The following PHKG2 variants were observed in gnomAD, a reference collection of about 807,000 sequenced individuals.
PHKG2 encodes phosphorylase b kinase gamma catalytic chain, liver/testis isoform.
PHKG2 carries 28 observed loss-of-function variants against 44.5 expected under a neutral mutation model. The observed-to-expected ratio is 0.63, with a 90% confidence interval of 0.47 to 0.86. The LOEUF (loss-of-function observed/expected upper bound fraction) is 0.86. PHKG2 is among the 40% of genes least tolerant of loss of function. The pLI, the probability that PHKG2 is intolerant of heterozygous loss-of-function variation, is 0.00. For synonymous variants in PHKG2, 220 were observed against 211.2 expected, an observed-to-expected ratio of 1.04 and a Z score of -0.36; for missense variants, 498 against 547.5, an observed-to-expected ratio of 0.91 and a Z score of 0.90.
chr16:30,754,170 CTTTTTTT>C (rs200524054), intron 6 of PHKG2, among the ~76,000 whole-genome samples: 57 of 141,264 alleles, frequency 4.0e-4, no homozygotes, highest in East Asian at 2.1e-3. Flanking sequence ...TTTCTTTTTT[CTTTTTTT>C]TTTTTTGAGA....
Position 30,753,562 on chromosome 16 carries a change from G to C in PHKG2, c.556+5G>C. The C allele has an allele frequency of 6.2e-7, 1 of 1,613,962 alleles. No homozygotes were observed. Among genetic ancestry groups the C allele is most frequent in the South Asian group, 1.1e-5 (1 of 91,076 alleles). The stretch of plus-strand genomic sequence containing the variant: ...AACCTGGCGAGAAGCTTCGAGGTGA[G>C]GGGATCTAGTGCCCTAATAGGCTTG... On this transcript the variant is annotated splice_donor_5th_base_variant and intron_variant, in intron 6 of 9. Coordinates refer to ENST00000563588, the MANE Select transcript of PHKG2 (RefSeq NM_000294.3).
In PHKG2 at chr16:30,757,874, C is replaced by G; in HGVS notation, c.*777C>G. The stretch of plus-strand genomic sequence containing the variant: ...GCAGCTTCAAATTCTGATCCCTACT[C>G]AGTAGCTGTGTGACCTTAGGCAGGT... On this transcript the variant is annotated 3_prime_UTR_variant, in exon 10 of 10. Coordinates refer to ENST00000563588, the MANE Select transcript of PHKG2 (RefSeq NM_000294.3). 10 of 1,319,188 alleles carry G rather than the reference C, an allele frequency of 7.6e-6. No homozygotes were observed. Among genetic ancestry groups the G allele is most frequent in the Non-Finnish European group, 9.8e-6 (10 of 1,015,650 alleles). The allele number at this position is 1,319,188 out of a possible 1,614,324, so 81.7% of individuals were successfully genotyped here.
At position 30,759,285 on chromosome 16, in the gene PHKG2, C is replaced by T. The variant is rs556104200; in HGVS notation, c.*2188C>T. On this transcript the variant is annotated 3_prime_UTR_variant, in exon 10 of 10. Transcript: ENST00000563588. ...GCAGAGGGAGGCTGAAAGGAGTGCACCTGTGCTGAGGGGAGGGGCGGTTGA... is the reference window on the plus strand; with the variant it reads ...GCAGAGGGAGGCTGAAAGGAGTGCATCTGTGCTGAGGGGAGGGGCGGTTGA... The T allele has an allele frequency of 9.3e-6, 15 of 1,613,636 alleles. No homozygotes were observed. The South Asian group carries it at 1.3e-4, about 14-fold the overall frequency.
chr16:30,753,404 C>A lies in PHKG2; in HGVS notation c.403C>A (p.Arg135=). ...CTCCCCTTCCCCCAGGTCCATCATG[C>A]GGTCTCTGCTGGAAGCAGTGAGCTT... ...LSEKETRSIM[R]SLLEAVSFLH... is the part of the protein sequence containing the mutation. The change falls in exon 6 of 10, where the codon CGG becomes AGG. Residue 135 remains arginine (R), a synonymous_variant. Transcript: ENST00000563588. 3 of 1,614,144 alleles carry A rather than the reference C, an allele frequency of 1.9e-6. No individual in the cohort carries two copies. The highest frequency in any genetic ancestry group is 1.7e-6 in the Non-Finnish European group (2 of 1,180,018).
At position 30,759,325 on chromosome 16, in the gene PHKG2, G is replaced by A; in HGVS notation, c.*2228G>A. On this transcript the variant is annotated 3_prime_UTR_variant, in exon 10 of 10. Coordinates refer to ENST00000563588, the MANE Select transcript of PHKG2 (RefSeq NM_000294.3). ...GGGGCGGTTGAGGGTGGCTCCTCAT[G>A]GTCCACCACCCCCTACCTGGGGTGT... is the stretch of plus-strand genomic sequence containing the variant. 1 of 1,612,696 alleles carries A rather than the reference G, an allele frequency of 6.2e-7. No homozygotes were observed. The highest frequency in any genetic ancestry group is 1.1e-5 in the South Asian group (1 of 91,062).
chr16:30,760,679 A>G lies in PHKG2; in HGVS notation c.*3582A>G. On this transcript the variant is annotated 3_prime_UTR_variant, in exon 10 of 10. Coordinates refer to ENST00000563588, the MANE Select transcript of PHKG2 (RefSeq NM_000294.3). ...ACGTCCAGGTACTTCCTGTTATAGT[A>G]AAAGAAAAAGAGTATTGGTGGCCGT... 6.6e-7 allele frequency: 1 copy of G among 1,522,164 alleles called. No individual in the cohort carries two copies. Among genetic ancestry groups the G allele is most frequent in the Non-Finnish European group, 8.8e-7 (1 of 1,141,566 alleles). 94.3% of individuals were successfully genotyped at this position (1,522,164 alleles called of 1,614,324 possible). A position where few individuals can be genotyped will look rare whatever the true frequency, so the allele number is the denominator to read the frequency against.
Position 30,759,958 on chromosome 16 carries a change from G to A in PHKG2, c.*2861G>A, listed in dbSNP as rs1382739257. ...CTGCCCTTACGAAGCTTATATTCTA[G>A]GGGAATAAACCAAGAAATAGATCAT... On this transcript the variant is annotated 3_prime_UTR_variant, in exon 10 of 10. Coordinates refer to ENST00000563588, the MANE Select transcript of PHKG2 (RefSeq NM_000294.3). 3.5e-6 allele frequency: 5 copies of A among 1,447,648 alleles called. No individual in the cohort carries two copies. The highest frequency in any genetic ancestry group is 1.4e-5 in the African/African-American group (1 of 69,986). 89.7% of individuals were successfully genotyped at this position (1,447,648 alleles called of 1,614,324 possible). A position where few individuals can be genotyped will look rare whatever the true frequency, so the allele number is the denominator to read the frequency against.
At position 30,759,226 on chromosome 16, in the gene PHKG2, T is replaced by A. The variant is rs778632923; in HGVS notation, c.*2129T>A. 6.2e-7 allele frequency: 1 copy of A among 1,613,944 alleles called. No individual in the cohort carries two copies. On this transcript the variant is annotated 3_prime_UTR_variant, in exon 10 of 10. Transcript: ENST00000563588. ...TTGGGTGGCTGTAGCCCCATGTAAGTCAAAGACAGATCCAGCCGCACCTGG... is the reference window on the plus strand; with the variant it reads ...TTGGGTGGCTGTAGCCCCATGTAAGACAAAGACAGATCCAGCCGCACCTGG...
chr16:30,755,794 T>G (rs2053414418), intron 6 of PHKG2, among the ~76,000 whole-genome samples: 1 of 152,222 alleles, frequency 6.6e-6, no homozygotes, highest in South Asian at 2.1e-4. Context: ...AATTTTTTTT[T>G]GCGTATGTAT....
rs776341960 is a variant in PHKG2 at position 30,760,237 on chromosome 16, G to C, written c.*3140G>C. Reference sequence around the variant, plus strand: ...CCCATGGTCACTTGTGCCAGGCCCGGTTCCTCTTCTCCCTGGGGCTCAAAC... The same window carrying C: ...CCCATGGTCACTTGTGCCAGGCCCGCTTCCTCTTCTCCCTGGGGCTCAAAC... On this transcript the variant is annotated 3_prime_UTR_variant, in exon 10 of 10. Transcript: ENST00000563588. 12 of 1,613,484 alleles carry C rather than the reference G, an allele frequency of 7.4e-6. No homozygotes were observed. The Admixed American group carries it at 1.2e-4, about 16-fold the overall frequency.
chr16:30,751,715 C>T, intron 4 of PHKG2, 112 bp downstream of exon 4: 2 of 925,668 alleles, frequency 2.2e-6, no homozygotes, highest in Non-Finnish European at 3.6e-6. Flanking sequence ...CCTGTTCCAG[C>T]TGGGGCTCTC....
rs907569489 is a variant in PHKG2, at chr16:30,751,241, G to A, written c.231G>A (p.Glu77=). 8 of 1,612,672 alleles carry A rather than the reference G, an allele frequency of 5.0e-6. No homozygotes were observed. In the Admixed American group the frequency reaches 1.0e-4, roughly 20 times the overall value. Residue 77 remains glutamate (E), a synonymous_variant, in exon 3 of 10, where the codon GAG becomes GAA. Coordinates refer to ENST00000563588, the MANE Select transcript of PHKG2 (RefSeq NM_000294.3). The stretch of plus-strand genomic sequence containing the variant: ...AGGTGCGGGAAGCCACACGGCGAGA[G>A]ACACACATCCTTCGCCAGGTCGCCG... The part of the protein sequence containing the change: ...LEEVREATRR[E]THILRQVAGH...
rs539188179 is a variant in PHKG2 at position 30,759,990 on chromosome 16, T to C, written c.*2893T>C. 9.4e-5 allele frequency: 138 copies of C among 1,461,406 alleles called. No homozygotes were observed. The highest frequency in any genetic ancestry group is 1.1e-4 in the Non-Finnish European group (127 of 1,113,506). 90.5% of individuals were successfully genotyped at this position (1,461,406 alleles called of 1,614,324 possible). A position where few individuals can be genotyped will look rare whatever the true frequency, so the allele number is the denominator to read the frequency against. On this transcript the variant is annotated 3_prime_UTR_variant, in exon 10 of 10. Coordinates refer to ENST00000563588, the MANE Select transcript of PHKG2 (RefSeq NM_000294.3). ...AAACCAAGAAATAGATCATTTCAGC[T>C]ATTAAACATTCTGAAGCAAGAGCTA...
intron 6 of PHKG2, among the ~76,000 whole-genome samples, chr16:30,753,888 G>A (rs1041661815): frequency 2.6e-5 from 4 of 152,336 alleles, no homozygotes; most frequent in African/African-American, 7.2e-5. Context: ...CACGTTTGGG[G>A]TCTGGAGTGC....
chr16:30,761,007 C>CT lies in PHKG2; in HGVS notation c.*3917dup, dbSNP rs1361477644. 1.2e-5 allele frequency: 8 copies of CT among 654,046 alleles called. No homozygotes were observed. The highest frequency in any genetic ancestry group is 8.2e-5 in the East Asian group (3 of 36,700). The allele number at this position is 654,046 out of a possible 1,614,324, so 40.5% of individuals were successfully genotyped here. A position where few individuals can be genotyped will look rare whatever the true frequency, so the allele number is the denominator to read the frequency against. ...CTCCATTTACATTCTGTCTTTGGCT[C>CT]TTTTTTTCTCACACTGCCTCCTCTT... On this transcript the variant is annotated 3_prime_UTR_variant, in exon 10 of 10. Transcript: ENST00000563588.
chr16:30,756,300 C>T (rs756904022), intron 7 of PHKG2, 28 bp downstream of exon 7: 18 of 1,613,916 alleles, frequency 1.1e-5, no homozygotes, highest in African/African-American at 2.7e-5. Context: ...CCCTCCCTCC[C>T]GTGCTTGCTG....
chr16:30,751,103 C>T lies in PHKG2; in HGVS notation c.96-3C>T, dbSNP rs1156301885. The T allele has an allele frequency of 6.2e-7, 1 of 1,613,280 alleles. No individual in the cohort carries two copies. The highest frequency in any genetic ancestry group is 2.2e-5 in the East Asian group (1 of 44,888). ...GACTTGTGCTATTTTCCGGCTCTTG[C>T]AGAGGAGTGAGCTCTGTGGTCCGCC... On this transcript the variant is annotated splice_polypyrimidine_tract_variant and splice_region_variant and intron_variant, in intron 2 of 9. Coordinates refer to ENST00000563588, the MANE Select transcript of PHKG2 (RefSeq NM_000294.3).
chr16:30,757,921 A>G lies in PHKG2; in HGVS notation c.*824A>G. ...AGGTTATTTAACCTATCTGTGCCTC[A>G]GTTTCCTTGTATGAAATGTGGATAG... On this transcript the variant is annotated 3_prime_UTR_variant, in exon 10 of 10. Coordinates refer to ENST00000563588, the MANE Select transcript of PHKG2 (RefSeq NM_000294.3). 1 of 821,258 alleles carries G rather than the reference A, an allele frequency of 1.2e-6. No individual in the cohort carries two copies. The highest frequency in any genetic ancestry group is 1.7e-6 in the Non-Finnish European group (1 of 592,308). The allele number at this position is 821,258 out of a possible 1,614,324, so 50.9% of individuals were successfully genotyped here. A position where few individuals can be genotyped will look rare whatever the true frequency, so the allele number is the denominator to read the frequency against.
Position 30,759,972 on chromosome 16 carries a change from G to T in PHKG2, c.*2875G>T. The T allele has an allele frequency of 1.4e-6, 2 of 1,453,362 alleles. No homozygotes were observed. Among genetic ancestry groups the T allele is most frequent in the Non-Finnish European group, 1.8e-6 (2 of 1,110,176 alleles). 90.0% of individuals were successfully genotyped at this position (1,453,362 alleles called of 1,614,324 possible). A position where few individuals can be genotyped will look rare whatever the true frequency, so the allele number is the denominator to read the frequency against. ...CTTATATTCTAGGGGAATAAACCAA[G>T]AAATAGATCATTTCAGCTATTAAAC... On this transcript the variant is annotated 3_prime_UTR_variant, in exon 10 of 10. Coordinates refer to ENST00000563588, the MANE Select transcript of PHKG2 (RefSeq NM_000294.3).
Sources: gnomAD v4.1 joint callset for allele counts (sites outside exome capture counted in the v4.1 genomes callset) on GRCh38, gnomAD v4.1.1 for gene constraint, MANE v1.5 for transcripts, NCBI Gene and HGNC (gene_info 2026-07-23, HGNC 2026-07-21) for gene names.